Variants in KLHL2 observed in about 807,000 individuals in gnomAD.
KLHL2 encodes the protein kelch like family member 2, also known as kelch-like protein 2.
A neutral mutation model predicts 75.8 loss-of-function variants in KLHL2; 15 were observed. The ratio of observed to expected loss-of-function variants is 0.20; its 90% confidence interval spans 0.13 to 0.30. The LOEUF is 0.30. Ranked by LOEUF, KLHL2 falls within the 10% of genes least tolerant of loss-of-function variation. The probability of loss-of-function intolerance (pLI) is 1.00; values close to 1 mark genes in which losing one functional copy is unlikely to be tolerated. For missense variants in KLHL2, 381 were observed against 741.0 expected (o/e 0.51, Z 5.64); for synonymous variants, 214 against 251.9 (o/e 0.85, Z 1.42).
At chr4:165,274,737 T>C (rs1304644811) in intron 5 of KLHL2, among the ~76,000 whole-genome samples, 1 of 152,240 alleles carries the variant, frequency 6.6e-6, no homozygotes, top group African/African-American at 2.4e-5. Flanking sequence ...ACATTATAAT[T>C]AAATTAAATT....
intron 13 of KLHL2, 40 bp from the exon 14 acceptor site, chr4:165,317,786 A>G: frequency 1.3e-6 from 2 of 1,549,138 alleles, no homozygotes; most frequent in Non-Finnish European, 1.8e-6. Flanking sequence ...ATTCATCCCA[A>G]TTTTTTAAAT....
intron 7 of KLHL2, 130 bp from the exon 8 acceptor site, chr4:165,299,377 C>T (rs1163277443): frequency 5.4e-6 from 4 of 746,022 alleles, no homozygotes; most frequent in Admixed American, 7.2e-5. Context: ...ATAAACTTTC[C>T]TCGTTTATTT....
intron 5 of KLHL2, among the ~76,000 whole-genome samples, chr4:165,283,488 C>T (rs1351031827): frequency 6.6e-6 from 1 of 152,204 alleles, no homozygotes; most frequent in Non-Finnish European, 1.5e-5. Flanking sequence ...TCCAGTGGGG[C>T]AGTCAAATCT....
chr4:165,302,781 A>G (rs1745438740), intron 8 of KLHL2, among the ~76,000 whole-genome samples: 1 of 152,212 alleles, frequency 6.6e-6, no homozygotes, highest in Non-Finnish European at 1.5e-5. Flanking sequence ...TTCAACTAAT[A>G]TTTATTTAAT....
intron 5 of KLHL2, among the ~76,000 whole-genome samples, chr4:165,282,313 A>G (rs1483704620): frequency 6.6e-6 from 1 of 152,222 alleles, no homozygotes; most frequent in Non-Finnish European, 1.5e-5. Flanking sequence ...ATACAGTAGG[A>G]TGAAAAAGAA....
In KLHL2 at chr4:165,322,612, T is replaced by C. The variant is rs1221287480; in HGVS notation, c.*552T>C. 2.0e-5 allele frequency: 3 copies of C among 152,722 alleles called. No individual in the cohort carries two copies. Among genetic ancestry groups the C allele is most frequent in the African/African-American group, 7.2e-5 (3 of 41,456 alleles). 9.5% of individuals were successfully genotyped at this position (152,722 alleles called of 1,614,324 possible). A position where few individuals can be genotyped will look rare whatever the true frequency, so the allele number is the denominator to read the frequency against. On this transcript the variant is annotated 3_prime_UTR_variant, in exon 15 of 15. Coordinates refer to ENST00000226725, the MANE Select transcript of KLHL2 (RefSeq NM_007246.4). ...GTGTCTATATGCTTTCCTTTAAATA[T>C]GTTTGAAAAGATGTTTGAAACTTGA...
intron 2 of KLHL2, among the ~76,000 whole-genome samples, chr4:165,224,585 A>G (rs1738280527): frequency 6.6e-6 from 1 of 152,192 alleles, no homozygotes; most frequent in Non-Finnish European, 1.5e-5. Context: ...CTATATCACT[A>G]CTAGGATTAG....
intron 4 of KLHL2, among the ~76,000 whole-genome samples, chr4:165,241,640 A>G (rs752874721): frequency 6.6e-6 from 1 of 152,190 alleles, no homozygotes; most frequent in Non-Finnish European, 1.5e-5. Flanking sequence ...GCTAGAAAGT[A>G]TCTTTGGGAT....
intron 5 of KLHL2, among the ~76,000 whole-genome samples, chr4:165,276,644 T>TG (rs1375631218): frequency 6.6e-6 from 1 of 152,198 alleles, no homozygotes; most frequent in African/African-American, 2.4e-5. Context: ...TTGGTTTCCT[T>TG]GGAAGGCATT....
At chr4:165,299,374 T>C (rs1195711108) in intron 7 of KLHL2, 133 bp from the exon 8 acceptor site, 1 of 735,598 alleles carries the variant, frequency 1.4e-6, no homozygotes, top group Non-Finnish European at 2.0e-6. Flanking sequence ...TTTATAAACT[T>C]TCCTCGTTTA....
chr4:165,294,419 T>G lies in KLHL2; in HGVS notation c.605T>G (p.Val202Gly). The change falls in exon 6 of 15, where the codon GTG becomes GGG. Residue 202 changes from valine (V) to glycine (G), a missense_variant. Physicochemically the swap from Val to Gly is moderately radical, Grantham distance 109. This residue lies in a region of KLHL2 where 111 missense variants were observed against 150.1 expected (regional missense o/e 0.74). Transcript: ENST00000226725. ...TTTCTCAATCTTGGCATCGAACAAGTGTGCAGCTTAATCTCAAGTGACAAA... is the reference window on the plus strand; with the variant it reads ...TTTCTCAATCTTGGCATCGAACAAGGGTGCAGCTTAATCTCAAGTGACAAA... ...EEFLNLGIEQVCSLISSDKLT... is the reference protein window; with the variant it reads ...EEFLNLGIEQGCSLISSDKLT... 1 of 1,611,800 alleles carries G rather than the reference T, an allele frequency of 6.2e-7. No homozygotes were observed. The highest frequency in any genetic ancestry group is 8.5e-7 in the Non-Finnish European group (1 of 1,178,022).
intron 4 of KLHL2, among the ~76,000 whole-genome samples, chr4:165,242,008 TTTTG>T (rs1323791893): frequency 6.6e-6 from 1 of 152,212 alleles, no homozygotes; most frequent in Admixed American, 6.5e-5. Context: ...GCTGTTGTTT[TTTTG>T]TTTGTTTAGG....
chr4:165,220,135 T>C (rs889486948), intron 2 of KLHL2, 76 bp downstream of exon 2: 235 of 1,530,144 alleles, frequency 1.5e-4, no homozygotes, highest in Non-Finnish European at 2.0e-4. Context: ...GAATATATAA[T>C]CAACCTTCCA....
intron 2 of KLHL2, 52 bp from the exon 3 acceptor site, chr4:165,228,755 A>G (rs1415159388): frequency 1.8e-6 from 2 of 1,130,374 alleles, no homozygotes; most frequent in South Asian, 1.3e-5. Context: ...AGGATGTTCA[A>G]TACATTCGTT....
At chr4:165,232,405 C>T (rs568462468) in intron 3 of KLHL2, among the ~76,000 whole-genome samples, 14 of 145,036 alleles carry the variant, frequency 9.7e-5, no homozygotes, top group Middle Eastern at 3.6e-3. Context: ...CCAGCCTGGG[C>T]GACAGAGCAA....
chr4:165,229,855 A>T (rs1313685748), intron 3 of KLHL2, among the ~76,000 whole-genome samples: 1 of 152,280 alleles, frequency 6.6e-6, no homozygotes, highest in African/African-American at 2.4e-5. Flanking sequence ...AGATGAGTGT[A>T]GAAGGTCAGA....
At chr4:165,291,078 A>G (rs1560810003) in intron 5 of KLHL2, among the ~76,000 whole-genome samples, 1 of 152,206 alleles carries the variant, frequency 6.6e-6, no homozygotes, top group Admixed American at 6.5e-5. Flanking sequence ...CTCTAATGAC[A>G]TGTAATATTG....
chr4:165,251,857 C>T (rs1740757318), intron 4 of KLHL2, among the ~76,000 whole-genome samples: 1 of 152,222 alleles, frequency 6.6e-6, no homozygotes, highest in East Asian at 1.9e-4. Flanking sequence ...GATCCGCCCG[C>T]CTCGGCCTCC....
At chr4:165,210,531 A>G (rs1055992797) in intron 1 of KLHL2, among the ~76,000 whole-genome samples, 1 of 152,134 alleles carries the variant, frequency 6.6e-6, no homozygotes, top group Non-Finnish European at 1.5e-5. Flanking sequence ...ATACTTGAGT[A>G]TATGTGGCAT....
Sources: gnomAD v4.1 joint callset for allele counts (sites outside exome capture counted in the v4.1 genomes callset) on GRCh38, gnomAD v4.1.1 for gene constraint, gnomAD v4.1.1 regional missense constraint, MANE v1.5 for transcripts, NCBI Gene and HGNC (gene_info 2026-07-23, HGNC 2026-07-21) for gene names.